Variants in ELF1 observed in about 807,000 individuals in gnomAD.
ELF1 encodes the protein ETS-related transcription factor Elf-1.
Under a neutral mutation model 59.9 loss-of-function variants are expected in ELF1, and 24 were observed. The ratio of observed to expected loss-of-function variants is 0.40; its 90% CI spans 0.29 to 0.56. The LOEUF (loss-of-function observed/expected upper bound fraction) is 0.56, where lower values mean the gene tolerates loss of function less well. Ranked by LOEUF, ELF1 falls within the 20% of genes least tolerant of loss-of-function variation. The probability of loss-of-function intolerance (pLI) is 0.44; values close to 1 mark genes in which losing one functional copy is unlikely to be tolerated. For missense variants in ELF1, 627 were observed against 742.2 expected (o/e 0.84, Z 1.80); for synonymous variants, 248 against 266.2 (o/e 0.93, Z 0.67).
chr13:41,060,914 TGCCGCCGCCGCCGCC>T (rs60249003), exon 1 of ELF1: 3,453 of 344,368 alleles, frequency 0.01, 34 homozygotes, highest in African/African-American at 0.017. Flanking sequence ...AAGCTGCTGC[TGCCGCCGCCGCCGCC>T]GCCGCCGCCG....
chr13:40,938,852 A>G (rs1028528556), intron 8 of ELF1, among the ~76,000 whole-genome samples: 1 of 152,068 alleles, frequency 6.6e-6, no homozygotes, highest in African/African-American at 2.4e-5. Flanking sequence ...AAAGGTATAA[A>G]TAAATAGAGA....
At chr13:41,011,329 G>A (rs764190506) in intron 1 of ELF1, among the ~76,000 whole-genome samples, 114 of 152,158 alleles carry the variant, frequency 7.5e-4, no homozygotes, top group Admixed American at 2.2e-3. Context: ...ATCTCAACTG[G>A]AAATTACTAT....
upstream of ELF1, among the ~76,000 whole-genome samples, chr13:41,021,081 CTAAG>C (rs1186517961): frequency 2.0e-5 from 3 of 152,096 alleles, no homozygotes; most frequent in Non-Finnish European, 2.9e-5. Context: ...TTACCATACA[CTAAG>C]TGTCTCCAAG....
rs150512966 is a variant in ELF1 at position 40,972,905 on chromosome 13, T to G, written c.72+9078A>C. ...ATCAATCACTGTTTAAAAAATCATC[T>G]CCCACCTAAGTCTTTAAATAATACA... On this transcript the variant is annotated intron_variant, in intron 2 of 8. Coordinates refer to ENST00000239882, the MANE Select transcript of ELF1 (RefSeq NM_172373.4). Among the ~76,000 whole-genome samples, 69 of 152,232 alleles carry G rather than the reference T, an allele frequency of 4.5e-4. 2 individuals carry two copies. The East Asian group carries it at 0.013, about 28-fold the overall frequency.
chr13:40,956,094 G>T (rs993450294), intron 3 of ELF1, among the ~76,000 whole-genome samples: 1 of 148,102 alleles, frequency 6.8e-6, no homozygotes, highest in Non-Finnish European at 1.5e-5. Context: ...CATTGAGAAC[G>T]GGCCATGATG....
At chr13:41,058,050 G>A (rs992656951) in intron 1 of ELF1, among the ~76,000 whole-genome samples, 4 of 151,750 alleles carry the variant, frequency 2.6e-5, no homozygotes, top group South Asian at 2.1e-4. Flanking sequence ...TAAAATGTAC[G>A]GACACAAAAT....
Position 40,949,964 on chromosome 13 carries a change from A to T in ELF1, c.371T>A (p.Ile124Lys), listed in dbSNP as rs747465409. Residue 124 changes from isoleucine to lysine, a missense_variant, in exon 5 of 9, where the codon ATA becomes AAA. Physicochemically the swap from Ile to Lys is moderately radical, Grantham distance 102 (BLOSUM62 -3). Coordinates refer to ENST00000239882, the MANE Select transcript of ELF1 (RefSeq NM_172373.4). ...MLDEKRINNN[I>K]FSSPEDDMVV... Reference sequence around the variant, plus strand: ...CATGTCATCTTCAGGTGAACTAAATATATTATTATCTAATGAAAATAAAAT... The same window carrying T: ...CATGTCATCTTCAGGTGAACTAAATTTATTATTATCTAATGAAAATAAAAT... The T allele has an allele frequency of 1.2e-6, 2 of 1,609,788 alleles. No homozygotes were observed. The highest frequency in any genetic ancestry group is 1.7e-6 in the Non-Finnish European group (2 of 1,178,220).
intron 6 of ELF1, among the ~76,000 whole-genome samples, chr13:40,943,435 T>C (rs185707487): frequency 6.6e-6 from 1 of 152,210 alleles, no homozygotes; most frequent in Non-Finnish European, 1.5e-5. Context: ...TTTTTCTGTC[T>C]CTTTGTGAAC....
intron 8 of ELF1, among the ~76,000 whole-genome samples, chr13:40,934,398 CTGTT>C (rs1203164939): frequency 1.6e-5 from 2 of 128,618 alleles, no homozygotes; most frequent in African/African-American, 2.8e-5. Flanking sequence ...AAAAGCAAAT[CTGTT>C]TGATTCATTC....
intron 1 of ELF1, among the ~76,000 whole-genome samples, chr13:41,039,609 G>C (rs1876527095): frequency 2.6e-5 from 4 of 152,072 alleles, no homozygotes; most frequent in Admixed American, 2.0e-4. Flanking sequence ...TTAAAATAAA[G>C]TGTTTAAGGT....
intron 1 of ELF1, among the ~76,000 whole-genome samples, chr13:41,040,356 T>C (rs939792742): frequency 2.0e-5 from 3 of 152,196 alleles, no homozygotes; most frequent in Admixed American, 1.3e-4. Flanking sequence ...CCAGGACATA[T>C]TTAAGTGAAA....
At chr13:40,980,744 C>T (rs1873210067) in intron 2 of ELF1, among the ~76,000 whole-genome samples, 1 of 152,170 alleles carries the variant, frequency 6.6e-6, no homozygotes, top group South Asian at 2.1e-4. Context: ...CACACTGTTT[C>T]AAACCTTAAT....
intron 1 of ELF1, among the ~76,000 whole-genome samples, chr13:41,048,086 A>G (rs1327071140): frequency 6.6e-6 from 1 of 152,206 alleles, no homozygotes; most frequent in African/African-American, 2.4e-5. Context: ...CAGGTACAGG[A>G]TATAATCTCC....
intron 8 of ELF1, among the ~76,000 whole-genome samples, chr13:40,940,407 A>C (rs56070777): frequency 2.2e-4 from 17 of 77,064 alleles, no homozygotes; most frequent in South Asian, 1.3e-3. Flanking sequence ...AAAAAAAAAA[A>C]AAAAAAAAAA....
intron 5 of ELF1, among the ~76,000 whole-genome samples, chr13:40,947,883 T>G (rs1357732964): frequency 6.6e-6 from 1 of 152,156 alleles, no homozygotes; most frequent in Non-Finnish European, 1.5e-5. Context: ...ATAGTATGAT[T>G]AGAGGTTTTA....
intron 1 of ELF1, among the ~76,000 whole-genome samples, chr13:41,041,295 G>C (rs1052186002): frequency 6.8e-6 from 1 of 147,756 alleles, no homozygotes; most frequent in African/African-American, 2.5e-5. Context: ...TACACCATCC[G>C]AACTGTATAA....
intron 1 of ELF1, among the ~76,000 whole-genome samples, chr13:41,015,136 G>C (rs1401700123): frequency 6.6e-6 from 1 of 152,122 alleles, no homozygotes; most frequent in African/African-American, 2.4e-5. Context: ...AGGAGTAAGA[G>C]TATGGAGAGG....
At chr13:41,022,082 T>C (rs1000647621), upstream of ELF1, among the ~76,000 whole-genome samples, 3 of 152,224 alleles carry the variant, frequency 2.0e-5, no homozygotes, top group African/African-American at 4.8e-5. Context: ...AAGATATGTG[T>C]CTATTTTAAA....
intron 3 of ELF1, among the ~76,000 whole-genome samples, chr13:40,956,571 C>CAAAAAA (rs34245662): frequency 1.8e-4 from 14 of 76,124 alleles, no homozygotes; most frequent in Admixed American, 4.6e-4. Flanking sequence ...CAAGAATGAT[C>CAAAAAA]AAAAAAAAAA....
Sources: gnomAD v4.1 joint callset for allele counts (sites outside exome capture counted in the v4.1 genomes callset) on GRCh38, gnomAD v4.1.1 for gene constraint, MANE v1.5 for transcripts, NCBI Gene and HGNC (gene_info 2026-07-23, HGNC 2026-07-21) for gene names.